DPP6: variants seen among roughly 807,000 people sequenced by gnomAD.
DPP6 encodes the protein dipeptidyl peptidase like 6.
In DPP6, 69 loss-of-function variants were observed where a neutral mutation model predicts 122.6. The observed-to-expected ratio is 0.56, with a 90% CI of 0.46 to 0.69. DPP6 has a LOEUF of 0.69. DPP6 is among the 30% of genes least tolerant of loss of function. The pLI, the probability that DPP6 is intolerant of heterozygous loss-of-function variation, is 0.00. For missense variants in DPP6, 928 were observed against 1,116.9 expected, an observed-to-expected ratio of 0.83 and a Z score of 2.41; for synonymous variants, 418 against 433.1, an observed-to-expected ratio of 0.97 and a Z score of 0.43.
intron 1 of DPP6, among the ~76,000 whole-genome samples, chr7:153,935,810 A>G (rs1012788281): frequency 2.6e-5 from 4 of 152,116 alleles, no homozygotes; most frequent in Admixed American, 6.5e-5. Flanking sequence ...AGTCGGCTTT[A>G]CAAGGCTTTG....
chr7:154,300,628 C>T (rs1289363985), intron 1 of DPP6, among the ~76,000 whole-genome samples: 5 of 151,930 alleles, frequency 3.3e-5, no homozygotes, highest in Non-Finnish European at 4.4e-5. Flanking sequence ...AGACACAGGA[C>T]GTGTGTATAC....
intron 1 of DPP6, among the ~76,000 whole-genome samples, chr7:153,976,734 C>T (rs1036448722): frequency 2.0e-5 from 3 of 152,194 alleles, no homozygotes; most frequent in African/African-American, 7.2e-5. Context: ...TAAGGAACAT[C>T]TGACATAAAA....
intron 21 of DPP6, chr7:154,881,174 C>T: frequency 1.5e-6 from 1 of 648,554 alleles, no homozygotes; most frequent in Non-Finnish European, 2.3e-6. Flanking sequence ...GAAGGGAAGC[C>T]AAGTCCCCGC....
At chr7:153,979,259 C>T (rs1358049300) in intron 1 of DPP6, among the ~76,000 whole-genome samples, 3 of 152,200 alleles carry the variant, frequency 2.0e-5, no homozygotes, top group Non-Finnish European at 4.4e-5. Flanking sequence ...AGGTCCTTCA[C>T]ACCCCTTGTC....
intron 1 of DPP6, among the ~76,000 whole-genome samples, chr7:154,351,800 G>A (rs994258133): frequency 2.6e-5 from 4 of 152,156 alleles, no homozygotes; most frequent in South Asian, 2.1e-4. Flanking sequence ...TGCATGGGGG[G>A]CCTCTGGGTG....
chr7:153,948,976 G>C (rs1468713793), intron 1 of DPP6, among the ~76,000 whole-genome samples: 1 of 152,096 alleles, frequency 6.6e-6, no homozygotes, highest in African/African-American at 2.4e-5. Flanking sequence ...AAAGCTCACA[G>C]TTAATTTTGC....
chr7:154,236,807 CT>C (rs1343785113), intron 1 of DPP6, among the ~76,000 whole-genome samples: 2 of 152,158 alleles, frequency 1.3e-5, no homozygotes, highest in African/African-American at 4.8e-5. Context: ...CTCTATTCTG[CT>C]GCACTTACAC....
intron 8 of DPP6, among the ~76,000 whole-genome samples, chr7:154,751,724 C>T (rs1843401655): frequency 6.6e-6 from 1 of 152,106 alleles, no homozygotes; most frequent in African/African-American, 2.4e-5. Context: ...AGAACATCGA[C>T]GCGGGCCCAT....
intron 1 of DPP6, among the ~76,000 whole-genome samples, chr7:154,081,115 G>T (rs1290800753): frequency 1.3e-5 from 2 of 151,948 alleles, no homozygotes; most frequent in Admixed American, 6.5e-5. Flanking sequence ...GTTGATGGAG[G>T]CTTGAGCCAC....
intron 1 of DPP6, among the ~76,000 whole-genome samples, chr7:154,414,415 A>G (rs1041071015): frequency 2.0e-5 from 3 of 152,240 alleles, no homozygotes; most frequent in African/African-American, 7.2e-5. Context: ...AATCACCTTT[A>G]TAATCCTTTT....
chr7:154,516,853 T>C (rs1176440321), intron 3 of DPP6, among the ~76,000 whole-genome samples: 1 of 152,220 alleles, frequency 6.6e-6, no homozygotes, highest in Admixed American at 6.5e-5. Context: ...GGGTAGTTTA[T>C]TCTAGCACTT....
chr7:154,235,078 G>A (rs62484144), intron 1 of DPP6, among the ~76,000 whole-genome samples: 12,465 of 152,228 alleles, frequency 0.082, 1,105 homozygotes, highest in African/African-American at 0.22. Flanking sequence ...ACAATTAAAC[G>A]TTGTTTAGCC....
At chr7:154,654,029 C>T (rs976729693) in intron 6 of DPP6, among the ~76,000 whole-genome samples, 2 of 152,000 alleles carry the variant, frequency 1.3e-5, no homozygotes, top group South Asian at 2.1e-4. Context: ...AGACTTTCTT[C>T]CTTGTCATTA....
At chr7:154,453,129 A>C (rs571810251) in intron 2 of DPP6, among the ~76,000 whole-genome samples, 1 of 152,292 alleles carries the variant, frequency 6.6e-6, no homozygotes, top group Non-Finnish European at 1.5e-5. Context: ...ACAATCGCTG[A>C]CGTGGGGGTC....
At chr7:154,212,119 C>T (rs908460076) in intron 1 of DPP6, among the ~76,000 whole-genome samples, 4 of 152,074 alleles carry the variant, frequency 2.6e-5, no homozygotes, top group Non-Finnish European at 2.9e-5. Context: ...GCTGGACAAT[C>T]GAGTATGAAA....
chr7:154,387,187 G>T (rs1056313103), intron 1 of DPP6, among the ~76,000 whole-genome samples: 1 of 152,130 alleles, frequency 6.6e-6, no homozygotes, highest in Admixed American at 6.5e-5. Context: ...ATTCTGAAGT[G>T]ACCTACATCA....
chr7:154,581,258 C>T (rs768730028), intron 5 of DPP6, among the ~76,000 whole-genome samples: 4 of 151,976 alleles, frequency 2.6e-5, no homozygotes, highest in Non-Finnish European at 5.9e-5. Flanking sequence ...GTTGTTTGAT[C>T]GTGCACTTGG....
At chr7:154,763,141 G>A (rs1795665699) in intron 8 of DPP6, among the ~76,000 whole-genome samples, 1 of 152,218 alleles carries the variant, frequency 6.6e-6, no homozygotes, top group African/African-American at 2.4e-5. Flanking sequence ...AGACCAGCCT[G>A]GCCAACATGG....
intron 1 of DPP6, among the ~76,000 whole-genome samples, chr7:154,125,046 C>T (rs1807777343): frequency 6.6e-6 from 1 of 152,224 alleles, no homozygotes; most frequent in African/African-American, 2.4e-5. Flanking sequence ...GACGTTCCAA[C>T]AGCTGAGATG....
Sources: gnomAD v4.1 joint callset for allele counts (sites outside exome capture counted in the v4.1 genomes callset) on GRCh38, gnomAD v4.1.1 for gene constraint, MANE v1.5 for transcripts, NCBI Gene and HGNC (gene_info 2026-07-23, HGNC 2026-07-21) for gene names.